The following MEMO1 variants were observed in gnomAD, a reference collection of about 807,000 sequenced individuals.
MEMO1 encodes the protein protein MEMO1.
In MEMO1, 6 loss-of-function variants were observed where a neutral mutation model predicts 45.2. The ratio of observed to expected loss-of-function variants is 0.13; its 90% CI spans 0.07 to 0.26. The LOEUF is 0.26. Ranked by LOEUF, MEMO1 falls within the 10% of genes least tolerant of loss-of-function variation. MEMO1 has a pLI of 1.00. For synonymous variants in MEMO1, 78 were observed against 124.3 expected, an observed-to-expected ratio of 0.63 and a Z score of 2.48; for missense variants, 184 against 370.5, an observed-to-expected ratio of 0.50 and a Z score of 4.13.
chr2:31,868,589 C>G, intron 9 of MEMO1, 97 bp from the exon 10 acceptor site: 1 of 1,131,298 alleles, frequency 8.8e-7, no homozygotes, highest in Non-Finnish European at 1.2e-6. Context: ...ACAGCTGAAG[C>G]CTAGATTATC....
chr2:31,943,657 G>A (rs1665876619), intron 2 of MEMO1, among the ~76,000 whole-genome samples: 1 of 152,158 alleles, frequency 6.6e-6, no homozygotes, highest in African/African-American at 2.4e-5. Flanking sequence ...TGATTTACAA[G>A]TTGAGGCAAT....
At chr2:31,927,698 G>A (rs1236115684) in intron 4 of MEMO1, among the ~76,000 whole-genome samples, 2 of 148,546 alleles carry the variant, frequency 1.3e-5, no homozygotes, top group East Asian at 2.0e-4. Context: ...ATTAGAAAAT[G>A]TATTTATTTC....
intron 6 of MEMO1, among the ~76,000 whole-genome samples, chr2:31,900,822 AG>A (rs2148041813): frequency 6.6e-6 from 1 of 152,350 alleles, no homozygotes; most frequent in African/African-American, 2.4e-5. Context: ...CAGGATGTAA[AG>A]AAACTGCAAG....
intron 5 of MEMO1, among the ~76,000 whole-genome samples, chr2:31,918,462 T>A (rs1681794253): frequency 6.6e-6 from 1 of 152,168 alleles, no homozygotes; most frequent in African/African-American, 2.4e-5. Flanking sequence ...GAAAAACCAC[T>A]AGTCTATTTA....
At chr2:31,886,548 A>G (rs952847849) in intron 7 of MEMO1, among the ~76,000 whole-genome samples, 1 of 152,172 alleles carries the variant, frequency 6.6e-6, no homozygotes, top group African/African-American at 2.4e-5. Context: ...TAGCACAAGT[A>G]CAATAAACTG....
intron 3 of MEMO1, among the ~76,000 whole-genome samples, chr2:31,937,186 TA>T (rs1450185447): frequency 1.3e-5 from 2 of 152,174 alleles, no homozygotes; most frequent in Non-Finnish European, 2.9e-5. Flanking sequence ...CCTGTTTTGA[TA>T]AAAAATATCA....
chr2:31,888,643 G>C (rs1676517978), intron 7 of MEMO1, among the ~76,000 whole-genome samples: 1 of 152,072 alleles, frequency 6.6e-6, no homozygotes, highest in East Asian at 1.9e-4. Flanking sequence ...AGTGGCAAAT[G>C]TCTTTTCACT....
chr2:31,996,245 T>C (rs1672600307), intron 2 of MEMO1, among the ~76,000 whole-genome samples: 1 of 149,516 alleles, frequency 6.7e-6, no homozygotes, highest in African/African-American at 2.5e-5. Context: ...AAAGAAACAA[T>C]GAATCAAGAA....
chr2:31,911,809 T>A (rs749950215), intron 6 of MEMO1, among the ~76,000 whole-genome samples: 32 of 152,214 alleles, frequency 2.1e-4, no homozygotes, highest in Admixed American at 7.8e-4. Context: ...TCCAGTTATT[T>A]TTTTTTACTT....
At chr2:31,918,875 C>T (rs1467943530) in intron 5 of MEMO1, among the ~76,000 whole-genome samples, 1 of 152,042 alleles carries the variant, frequency 6.6e-6, no homozygotes, top group Non-Finnish European at 1.5e-5. Context: ...AAAAAATTCT[C>T]TATTTCTTCA....
intron 8 of MEMO1, among the ~76,000 whole-genome samples, chr2:31,872,899 G>A (rs1673999484): frequency 6.6e-6 from 1 of 151,938 alleles, no homozygotes; most frequent in African/African-American, 2.4e-5. Context: ...GCAAACAAAA[G>A]CAATAATGAT....
At position 31,891,964 on chromosome 2, in the gene MEMO1, C is replaced by T. The variant is rs762208690; in HGVS notation, c.580+28G>A. 3.8e-6 allele frequency: 6 copies of T among 1,593,982 alleles called. No individual in the cohort carries two copies. In the Admixed American group the frequency reaches 1.0e-4, roughly 27 times the overall value. ...TTTAACCAGAAGTATATAACATCTACCATGATATGTTAAAATCTAGAACTT... is the reference window on the plus strand; with the variant it reads ...TTTAACCAGAAGTATATAACATCTATCATGATATGTTAAAATCTAGAACTT... On this transcript the variant is annotated intron_variant, in intron 7 of 9. Transcript: ENST00000404530.
rs1343936067 is a variant in MEMO1 at position 31,868,048 on chromosome 2, T to A, written c.*313A>T. 5.4e-6 allele frequency: 1 copy of A among 184,470 alleles called. No homozygotes were observed. Among genetic ancestry groups the A allele is most frequent in the Non-Finnish European group, 1.1e-5 (1 of 89,712 alleles). The allele number at this position is 184,470 out of a possible 1,614,324, so 11.4% of individuals were successfully genotyped here. The stretch of plus-strand genomic sequence containing the variant: ...GCACAAGTCTGCAAAGAGTGCAAAT[T>A]TAGGATATGGTAAATGCTTTACAAG... On this transcript the variant is annotated 3_prime_UTR_variant, in exon 10 of 10. Transcript: ENST00000404530.
intron 6 of MEMO1, among the ~76,000 whole-genome samples, chr2:31,917,315 A>ATTTT (rs973282574): frequency 1.3e-5 from 2 of 152,172 alleles, no homozygotes; most frequent in African/African-American, 2.4e-5. Context: ...CCTTGAAATA[A>ATTTT]TTTTTTTATT....
intron 7 of MEMO1, among the ~76,000 whole-genome samples, chr2:31,889,073 G>A (rs1046699930): frequency 6.6e-6 from 1 of 152,074 alleles, no homozygotes; most frequent in Non-Finnish European, 1.5e-5. Context: ...CCAATTTACA[G>A]ATAAAAATCT....
chr2:31,897,427 G>A lies in MEMO1; in HGVS notation c.438-5293C>T, dbSNP rs924152449. On this transcript the variant is annotated intron_variant, in intron 6 of 9. Transcript: ENST00000404530. ...GTTTATTGAGAGATTTTAGCATGAA[G>A]CGGTATTGAATTTTATCAAAGGCCT... Among the ~76,000 whole-genome samples the A allele has an allele frequency of 3.9e-5, 6 of 152,308 alleles. No individual in the cohort carries two copies. In the South Asian group the frequency reaches 1.2e-3, roughly 32 times the overall value.
chr2:31,969,067 T>C lies in MEMO1; in HGVS notation c.62-25684A>G, dbSNP rs575175221. Among the ~76,000 whole-genome samples, 26 of 151,948 alleles carry C rather than the reference T, an allele frequency of 1.7e-4. 2 individuals carry two copies. The South Asian group carries it at 5.2e-3, about 30-fold the overall frequency. The stretch of plus-strand genomic sequence containing the variant: ...TAATAATGTGATTTTAAATAAATGA[T>C]ATGGACAAACCAATTTTCCCAATAA... On this transcript the variant is annotated intron_variant, in intron 2 of 9. Transcript: ENST00000404530.
At chr2:31,901,744 TAA>T (rs1678857825) in intron 6 of MEMO1, among the ~76,000 whole-genome samples, 1 of 151,624 alleles carries the variant, frequency 6.6e-6, no homozygotes. Context: ...CCGTCTCTAC[TAA>T]AAATACAAAA....
intron 8 of MEMO1, among the ~76,000 whole-genome samples, chr2:31,878,778 T>C (rs1469635236): frequency 2.0e-5 from 3 of 147,770 alleles, no homozygotes; most frequent in African/African-American, 7.5e-5. Flanking sequence ...ATTTTCTGTA[T>C]GGTTACCTAA....
Sources: allele counts gnomAD v4.1 joint callset (sites outside exome capture counted in the v4.1 genomes callset), GRCh38; gene constraint gnomAD v4.1.1; transcripts MANE v1.5; gene names NCBI Gene and HGNC (gene_info 2026-07-23, HGNC 2026-07-21).